Variants in PLCL1 observed in about 807,000 individuals in gnomAD.
PLCL1 encodes the protein phospholipase C like 1 (inactive).
PLCL1 carries 41 observed loss-of-function variants against 84.4 expected under a neutral mutation model. The observed-to-expected ratio is 0.49, with a 90% CI of 0.38 to 0.63. The LOEUF (loss-of-function observed/expected upper bound fraction) is 0.63. Among genes scored for constraint, PLCL1 ranks in the 30% least tolerant of loss-of-function variants. The pLI is 0.00. For synonymous variants in PLCL1, 490 were observed against 488.3 expected, an observed-to-expected ratio of 1.00 and a Z score of -0.05; for missense variants, 1,206 against 1,367.8, an observed-to-expected ratio of 0.88 and a Z score of 1.87.
intron 5 of PLCL1, among the ~76,000 whole-genome samples, chr2:198,144,292 A>C (rs1428172038): frequency 6.6e-6 from 1 of 152,222 alleles, no homozygotes; most frequent in Non-Finnish European, 1.5e-5. Context: ...AAAAGGGAAC[A>C]CTTAAAAGTA....
intron 1 of PLCL1, among the ~76,000 whole-genome samples, chr2:197,885,642 G>A (rs892816246): frequency 4.6e-5 from 7 of 152,162 alleles, no homozygotes; most frequent in Admixed American, 2.0e-4. Flanking sequence ...ACACTTTCCC[G>A]CAGTTTGGGT....
chr2:197,923,217 A>T (rs1192796609), intron 1 of PLCL1, among the ~76,000 whole-genome samples: 1 of 122,022 alleles, frequency 8.2e-6, no homozygotes, highest in South Asian at 2.6e-4. Context: ...CTGACCCCCC[A>T]CCTCCCTCCC....
At chr2:197,899,658 C>T (rs1265063004) in intron 1 of PLCL1, among the ~76,000 whole-genome samples, 3 of 117,216 alleles carry the variant, frequency 2.6e-5, no homozygotes, top group Admixed American at 9.9e-5. Flanking sequence ...TTTTTTGAGA[C>T]GGAGTCTCGC....
intron 1 of PLCL1, among the ~76,000 whole-genome samples, chr2:198,080,305 T>C (rs2105893125): frequency 6.6e-6 from 1 of 152,362 alleles, no homozygotes; most frequent in South Asian, 2.1e-4. Flanking sequence ...TCAATCATCA[T>C]CATCATAATT....
chr2:197,817,186 T>G (rs887367783), intron 1 of PLCL1, among the ~76,000 whole-genome samples: 3 of 152,106 alleles, frequency 2.0e-5, no homozygotes, highest in South Asian at 2.1e-4. Flanking sequence ...ACAGCACTTA[T>G]GCAATAAAGT....
At chr2:198,142,753 G>A (rs777671254) in intron 5 of PLCL1, among the ~76,000 whole-genome samples, 2 of 151,490 alleles carry the variant, frequency 1.3e-5, no homozygotes, top group African/African-American at 2.4e-5. Flanking sequence ...TACCTGAGGC[G>A]CTCTCTATTA....
At chr2:198,094,350 C>A (rs975297308) in intron 3 of PLCL1, among the ~76,000 whole-genome samples, 1 of 152,170 alleles carries the variant, frequency 6.6e-6, no homozygotes, top group Non-Finnish European at 1.5e-5. Flanking sequence ...TGTGAGCCAC[C>A]GTGCCCAGCC....
chr2:197,839,469 A>AT (rs1686937001), intron 1 of PLCL1, among the ~76,000 whole-genome samples: 1 of 152,172 alleles, frequency 6.6e-6, no homozygotes, highest in Non-Finnish European at 1.5e-5. Flanking sequence ...TCACAATAAG[A>AT]TTCGAGCTCC....
rs1378180889 is a variant in PLCL1 at position 198,146,776 on chromosome 2, G to A, written c.3106-4G>A. ...CTTTGATGCCTGTTTTTTTCTGTTT[G>A]TAGGGCCAAGGAGATCTGTTGAAGA... On this transcript the variant is annotated splice_polypyrimidine_tract_variant and splice_region_variant and intron_variant, in intron 5 of 5. Coordinates refer to ENST00000428675, the MANE Select transcript of PLCL1 (RefSeq NM_006226.4). 4 of 1,605,588 alleles carry A rather than the reference G, an allele frequency of 2.5e-6. No homozygotes were observed. Among genetic ancestry groups the A allele is most frequent in the Non-Finnish European group, 3.4e-6 (4 of 1,176,122 alleles).
chr2:198,073,958 C>T (rs1022842117), intron 1 of PLCL1, among the ~76,000 whole-genome samples: 1 of 152,100 alleles, frequency 6.6e-6, no homozygotes, highest in Non-Finnish European at 1.5e-5. Flanking sequence ...AAGTGACATA[C>T]ATTTATAAAA....
chr2:197,986,629 G>T (rs1289715584), intron 1 of PLCL1, among the ~76,000 whole-genome samples: 1 of 152,180 alleles, frequency 6.6e-6, no homozygotes, highest in Non-Finnish European at 1.5e-5. Flanking sequence ...GATTATAGGT[G>T]TGAGCCACAG....
At chr2:197,912,648 C>A (rs1338178014) in intron 1 of PLCL1, among the ~76,000 whole-genome samples, 1 of 149,266 alleles carries the variant, frequency 6.7e-6, no homozygotes, top group Admixed American at 6.7e-5. Context: ...TTTGTAGGGA[C>A]ATGGATGAAA....
intron 1 of PLCL1, among the ~76,000 whole-genome samples, chr2:197,822,563 GTA>G (rs1690839972): frequency 3.3e-5 from 5 of 152,246 alleles, no homozygotes; most frequent in Admixed American, 1.3e-4. Context: ...CACTTTATGT[GTA>G]TTAACTCTTA....
chr2:198,071,093 A>G, intron 1 of PLCL1: 1 of 163,480 alleles, frequency 6.1e-6, no homozygotes, highest in Non-Finnish European at 8.7e-6. Flanking sequence ...CTGCTTTTTA[A>G]GTATGCACAC....
intron 1 of PLCL1, among the ~76,000 whole-genome samples, chr2:197,908,403 G>C: frequency 6.6e-6 from 1 of 152,168 alleles, no homozygotes; most frequent in Non-Finnish European, 1.5e-5. Context: ...ATAGTTTGAA[G>C]GTTCTTCCTT....
intron 1 of PLCL1, among the ~76,000 whole-genome samples, chr2:197,936,133 C>CT (rs1559050173): frequency 7.1e-6 from 1 of 141,480 alleles, no homozygotes; most frequent in African/African-American, 2.6e-5. Flanking sequence ...TATTAAACAC[C>CT]CCCCCCCTCA....
chr2:198,018,933 C>T (rs190221092), intron 1 of PLCL1, among the ~76,000 whole-genome samples: 127 of 152,302 alleles, frequency 8.3e-4, no homozygotes, highest in Non-Finnish European at 1.4e-3. Flanking sequence ...TGCCTTCTGA[C>T]GGGGAAATAT....
At chr2:198,139,042 C>A (rs1468600380) in intron 5 of PLCL1, among the ~76,000 whole-genome samples, 1 of 152,122 alleles carries the variant, frequency 6.6e-6, no homozygotes, top group East Asian at 1.9e-4. Context: ...GTAATCCCAG[C>A]TACTCAGGAG....
intron 1 of PLCL1, among the ~76,000 whole-genome samples, chr2:197,838,835 A>G (rs1691240453): frequency 6.6e-6 from 1 of 152,220 alleles, no homozygotes; most frequent in Non-Finnish European, 1.5e-5. Context: ...CCCACAGTAG[A>G]ATCAGTGGTT....
Sources: allele counts gnomAD v4.1 joint callset (sites outside exome capture counted in the v4.1 genomes callset), GRCh38; gene constraint gnomAD v4.1.1; transcripts MANE v1.5; gene names NCBI Gene and HGNC (gene_info 2026-07-23, HGNC 2026-07-21).